TRIM55: variants seen among roughly 807,000 people sequenced by gnomAD.
The protein encoded by TRIM55 is tripartite motif containing 55.
In TRIM55, 50 loss-of-function variants were observed where a neutral mutation model predicts 60.9. The ratio of observed to expected loss-of-function variants is 0.82; its 90% confidence interval spans 0.65 to 1.04. TRIM55 has a LOEUF of 1.04. Ranked by LOEUF, TRIM55 falls within the 50% of genes least tolerant of loss-of-function variation. The probability of loss-of-function intolerance (pLI) is 0.00; values close to 1 mark genes in which losing one functional copy is unlikely to be tolerated. For missense variants in TRIM55, 681 were observed against 666.9 expected, an observed-to-expected ratio of 1.02 and a Z score of -0.23; for synonymous variants, 237 against 238.1, an observed-to-expected ratio of 1.00 and a Z score of 0.04.
At chr8:66,153,942 G>A in intron 8 of TRIM55, 105 bp from the exon 9 acceptor site, 3 of 1,103,418 alleles carry the variant, frequency 2.7e-6, no homozygotes, top group South Asian at 1.7e-5. Context: ...CTGCATGCAG[G>A]GAGCGCACAG....
At chr8:66,154,400 C>A in intron 9 of TRIM55, 66 bp downstream of exon 9, 1 of 1,525,706 alleles carries the variant, frequency 6.6e-7, no homozygotes, top group South Asian at 1.3e-5. Context: ...GAACAGGCCA[C>A]AGCAAGAAGA....
upstream of TRIM55, chr8:66,126,954 G>A: frequency 4.2e-6 from 1 of 236,546 alleles, no homozygotes; most frequent in South Asian, 1.1e-4. Context: ...GTCTAAATGG[G>A]GTTTGTAATC....
chr8:66,142,008 G>T (rs1212563197), intron 4 of TRIM55, among the ~76,000 whole-genome samples: 5 of 152,214 alleles, frequency 3.3e-5, no homozygotes, highest in African/African-American at 1.2e-4. Context: ...TTTTAGTTCT[G>T]TTGCTTAATT....
chr8:66,137,718 G>A (rs763117111), intron 4 of TRIM55, among the ~76,000 whole-genome samples: 1 of 144,968 alleles, frequency 6.9e-6, no homozygotes, highest in African/African-American at 2.6e-5. Flanking sequence ...ATCTCCACTT[G>A]CCCTCTGCCT....
At chr8:66,126,051 C>G (rs914711512), upstream of TRIM55, among the ~76,000 whole-genome samples, 3 of 152,094 alleles carry the variant, frequency 2.0e-5, no homozygotes, top group Non-Finnish European at 4.4e-5. Context: ...GTTTATGACT[C>G]AAGAGCAGAC....
intron 9 of TRIM55, among the ~76,000 whole-genome samples, chr8:66,167,357 A>G (rs1811383728): frequency 6.6e-6 from 1 of 152,188 alleles, no homozygotes. Context: ...ATTCTTCACA[A>G]TCCAGTTCTT....
At chr8:66,148,787 G>A (rs767498427) in intron 4 of TRIM55, among the ~76,000 whole-genome samples, 6 of 152,134 alleles carry the variant, frequency 3.9e-5, no homozygotes, top group Non-Finnish European at 8.8e-5. Flanking sequence ...GGTGGCTCAC[G>A]CCTGTAATCC....
Position 66,152,635 on chromosome 8 carries a change from C to T in TRIM55, c.1236+8C>T. 1.2e-6 allele frequency: 2 copies of T among 1,612,042 alleles called. No homozygotes were observed. The highest frequency in any genetic ancestry group is 8.5e-7 in the Non-Finnish European group (1 of 1,179,084). On this transcript the variant is annotated splice_region_variant and intron_variant, in intron 8 of 9. Transcript: ENST00000315962. ...GATGCCCCTGTGACACAGGTAACCC[C>T]TCCTGAGTCTCTTTCTACAGGGCAC...
chr8:66,137,287 TTTC>T, intron 4 of TRIM55, 97 bp downstream of exon 4: 1 of 838,366 alleles, frequency 1.2e-6, no homozygotes, highest in South Asian at 1.6e-5. Context: ...TATTCTGACC[TTTC>T]ATTCTTTGCT....
chr8:66,154,376 C>T (rs1340874982), intron 9 of TRIM55, 42 bp downstream of exon 9: 13 of 1,596,828 alleles, frequency 8.1e-6, no homozygotes, highest in Admixed American at 6.8e-5. Flanking sequence ...CCCGCGCCCC[C>T]TAGGGTCCCA....
At chr8:66,117,315 G>GGAAAGGAAGA in the TRIM55 span, among the ~76,000 whole-genome samples, 83 of 152,304 alleles carry the variant, frequency 5.4e-4, no homozygotes, top group Admixed American at 1.4e-3. Context: ...CCTCCACATA[G>GGAAAGGAAGA]GAAAGGAAGA....
chr8:66,122,022 TC>T (rs1808651843), upstream of TRIM55, among the ~76,000 whole-genome samples: 1 of 152,056 alleles, frequency 6.6e-6, no homozygotes, highest in South Asian at 2.1e-4. Flanking sequence ...AGCAGAGCAC[TC>T]CCTCCTGTGT....
At chr8:66,167,869 T>C (rs1366216532) in intron 9 of TRIM55, among the ~76,000 whole-genome samples, 1 of 152,160 alleles carries the variant, frequency 6.6e-6, no homozygotes, top group Non-Finnish European at 1.5e-5. Flanking sequence ...CCACCCAGCC[T>C]CCTGAGTAGC....
rs557219560 is a variant in TRIM55, at chr8:66,174,395, C to T, written c.1525-76C>T. The T allele has an allele frequency of 1.3e-5, 17 of 1,342,310 alleles. No homozygotes were observed. The Admixed American group carries it at 2.5e-4, about 20-fold the overall frequency. 83.1% of individuals were successfully genotyped at this position (1,342,310 alleles called of 1,614,324 possible). A position where few individuals can be genotyped will look rare whatever the true frequency, so the allele number is the denominator to read the frequency against. ...TGTTATTATTATTATACTTTCTCCT[C>T]AATAGAAAAGTGACTGGACCAATCC... is the stretch of plus-strand genomic sequence containing the variant. On this transcript the variant is annotated intron_variant, in intron 9 of 9. Transcript: ENST00000315962.
chr8:66,138,905 A>G (rs919494762), intron 4 of TRIM55, among the ~76,000 whole-genome samples: 1 of 152,224 alleles, frequency 6.6e-6, no homozygotes, highest in Admixed American at 6.5e-5. Flanking sequence ...GGCAAGTTCT[A>G]TTCAAAGCTA....
rs1176765534 is a variant in TRIM55 at position 66,172,727 on chromosome 8, T to C, written c.1525-1744T>C. Among the ~76,000 whole-genome samples the C allele has an allele frequency of 2.0e-5, 3 of 152,252 alleles. No homozygotes were observed. In the East Asian group the frequency reaches 5.8e-4, roughly 29 times the overall value. ...CAGAAAACACATTACCCAACTTGTGTCACCCTTCAACTATGTCAGAACAGC... is the reference window on the plus strand; with the variant it reads ...CAGAAAACACATTACCCAACTTGTGCCACCCTTCAACTATGTCAGAACAGC... On this transcript the variant is annotated intron_variant, in intron 9 of 9. Coordinates refer to ENST00000315962, the MANE Select transcript of TRIM55 (RefSeq NM_184085.2).
chr8:66,143,051 G>T (rs1454258043), intron 4 of TRIM55, among the ~76,000 whole-genome samples: 2 of 152,162 alleles, frequency 1.3e-5, no homozygotes, highest in African/African-American at 4.8e-5. Context: ...AGGGAATTTT[G>T]AAGTTCCTTA....
At chr8:66,114,273 T>C in the TRIM55 span, among the ~76,000 whole-genome samples, 1 of 152,128 alleles carries the variant, frequency 6.6e-6, no homozygotes, top group East Asian at 1.9e-4. Flanking sequence ...TTTTCCTTCC[T>C]GTCCCGTACG....
At chr8:66,174,431 A>G (rs765908642) in intron 9 of TRIM55, 40 bp from the exon 10 acceptor site, 1 of 1,599,182 alleles carries the variant, frequency 6.3e-7, no homozygotes, top group African/African-American at 1.3e-5. Context: ...AAAAAGAACA[A>G]ACCTCTTTTT....
Sources: allele counts gnomAD v4.1 joint callset (sites outside exome capture counted in the v4.1 genomes callset), GRCh38; gene constraint gnomAD v4.1.1; transcripts MANE v1.5; gene names NCBI Gene and HGNC (gene_info 2026-07-23, HGNC 2026-07-21).